ARHGAP15: variants seen among roughly 807,000 people sequenced by gnomAD.
ARHGAP15 encodes the protein Rho GTPase activating protein 15, also known as rho GTPase-activating protein 15.
In ARHGAP15, 51 loss-of-function variants were observed where a neutral mutation model predicts 63.7. The observed-to-expected ratio is 0.80, with a 90% CI of 0.64 to 1.01. The LOEUF is 1.01. Among genes scored for constraint, ARHGAP15 ranks in the 50% least tolerant of loss-of-function variants. The pLI is 0.00. For synonymous variants in ARHGAP15, 191 were observed against 193.8 expected, an observed-to-expected ratio of 0.99 and a Z score of 0.12; for missense variants, 560 against 564.6, an observed-to-expected ratio of 0.99 and a Z score of 0.08.
At chr2:143,348,616 A>G (rs187656034) in intron 6 of ARHGAP15, among the ~76,000 whole-genome samples, 1 of 152,294 alleles carries the variant, frequency 6.6e-6, no homozygotes, top group African/African-American at 2.4e-5. Flanking sequence ...ACGTTGCTAA[A>G]AGTGGTAAAG....
At chr2:143,550,252 T>A (rs1023113200) in intron 10 of ARHGAP15, among the ~76,000 whole-genome samples, 6 of 152,164 alleles carry the variant, frequency 3.9e-5, no homozygotes, top group African/African-American at 1.4e-4. Flanking sequence ...AACATATATT[T>A]TTCAAAGTTA....
intron 13 of ARHGAP15, among the ~76,000 whole-genome samples, chr2:143,705,706 G>T (rs13408590): frequency 6.6e-6 from 1 of 151,948 alleles, no homozygotes; most frequent in Non-Finnish European, 1.5e-5. Flanking sequence ...AGAAATATCC[G>T]TTACTCTGTC....
chr2:143,332,289 G>A (rs1365398458), intron 6 of ARHGAP15, among the ~76,000 whole-genome samples: 1 of 151,832 alleles, frequency 6.6e-6, no homozygotes, highest in African/African-American at 2.4e-5. Flanking sequence ...AAGGCAGCCT[G>A]AAATTTTACA....
chr2:143,191,304 A>T (rs1319104309), intron 2 of ARHGAP15, among the ~76,000 whole-genome samples: 1 of 152,220 alleles, frequency 6.6e-6, no homozygotes, highest in Non-Finnish European at 1.5e-5. Context: ...GAAATTATGG[A>T]AGTCCACCTG....
chr2:143,594,300 C>A (rs137999929), intron 11 of ARHGAP15, among the ~76,000 whole-genome samples: 1 of 152,126 alleles, frequency 6.6e-6, no homozygotes, highest in Non-Finnish European at 1.5e-5. Context: ...TTTATTGGCA[C>A]GTCAGGTGCA....
intron 10 of ARHGAP15, among the ~76,000 whole-genome samples, chr2:143,555,167 C>T (rs912182375): frequency 6.6e-6 from 1 of 152,124 alleles, no homozygotes; most frequent in Admixed American, 6.6e-5. Context: ...TGTTATTCTA[C>T]CCTAACCTTC....
intron 6 of ARHGAP15, among the ~76,000 whole-genome samples, chr2:143,347,384 A>T (rs1289341370): frequency 6.6e-6 from 1 of 152,174 alleles, no homozygotes; most frequent in Non-Finnish European, 1.5e-5. Context: ...GGTGATATAC[A>T]GATTGAAATC....
intron 13 of ARHGAP15, among the ~76,000 whole-genome samples, chr2:143,731,460 A>T (rs533359869): frequency 1.3e-5 from 2 of 152,300 alleles, no homozygotes; most frequent in South Asian, 4.1e-4. Flanking sequence ...CATCAATTCC[A>T]GTCATGCCTC....
Position 143,703,404 on chromosome 2 carries a change from T to A in ARHGAP15, c.1139-15T>A, listed in dbSNP as rs751730230. 1 of 1,592,932 alleles carries A rather than the reference T, an allele frequency of 6.3e-7. No individual in the cohort carries two copies. Among genetic ancestry groups the A allele is most frequent in the Non-Finnish European group, 8.5e-7 (1 of 1,172,220 alleles). ...TTGTTTTTTCCCTAACCTTCCTTTT[T>A]ATTTTTTTTTCCAGAAAAGCAAGAC... On this transcript the variant is annotated splice_polypyrimidine_tract_variant and intron_variant, in intron 12 of 13. Coordinates refer to ENST00000295095, the MANE Select transcript of ARHGAP15 (RefSeq NM_018460.4).
chr2:143,620,082 T>G (rs1414767980), intron 11 of ARHGAP15, among the ~76,000 whole-genome samples: 4 of 152,224 alleles, frequency 2.6e-5, no homozygotes, highest in Non-Finnish European at 1.5e-5. Context: ...TTTATCATTT[T>G]GGCCTTTACT....
intron 2 of ARHGAP15, among the ~76,000 whole-genome samples, chr2:143,169,687 A>G (rs1690692278): frequency 6.6e-6 from 1 of 151,472 alleles, no homozygotes; most frequent in African/African-American, 2.4e-5. Flanking sequence ...AGTCATGGGT[A>G]GATATGGAAA....
intron 5 of ARHGAP15, among the ~76,000 whole-genome samples, chr2:143,245,776 T>C (rs1694026113): frequency 6.6e-6 from 1 of 152,118 alleles, no homozygotes; most frequent in Admixed American, 6.5e-5. Flanking sequence ...TAGAGATAAA[T>C]AAGCCTTGGG....
At chr2:143,459,241 G>T (rs147896237) in intron 8 of ARHGAP15, among the ~76,000 whole-genome samples, 86 of 152,026 alleles carry the variant, frequency 5.7e-4, no homozygotes, top group Middle Eastern at 3.4e-3. Context: ...AAAAAGAGTT[G>T]CAAAGATTTG....
At chr2:143,178,316 G>A (rs1691088412) in intron 2 of ARHGAP15, among the ~76,000 whole-genome samples, 1 of 152,054 alleles carries the variant, frequency 6.6e-6, no homozygotes, top group South Asian at 2.1e-4. Context: ...AAATACAAAA[G>A]TATTCAATTT....
At chr2:143,729,088 G>A (rs1162792904) in intron 13 of ARHGAP15, among the ~76,000 whole-genome samples, 1 of 152,286 alleles carries the variant, frequency 6.6e-6, no homozygotes, top group South Asian at 2.1e-4. Context: ...AAGAAAAAAA[G>A]TGAAAAGGCA....
chr2:143,471,712 G>T (rs553754013), intron 8 of ARHGAP15, among the ~76,000 whole-genome samples: 2 of 152,232 alleles, frequency 1.3e-5, no homozygotes, highest in East Asian at 3.9e-4. Flanking sequence ...AAGGACCTGA[G>T]GCAGGATGTG....
At chr2:143,374,350 C>T (rs1052217181) in intron 6 of ARHGAP15, among the ~76,000 whole-genome samples, 1 of 152,060 alleles carries the variant, frequency 6.6e-6, no homozygotes, top group Admixed American at 6.6e-5. Context: ...TCGCCATTTT[C>T]CCCACCCCAT....
intron 13 of ARHGAP15, among the ~76,000 whole-genome samples, chr2:143,753,450 A>T (rs954576534): frequency 6.6e-6 from 1 of 152,202 alleles, no homozygotes; most frequent in Admixed American, 6.5e-5. Flanking sequence ...TTCATGTAGA[A>T]ATTCTTAGAA....
intron 6 of ARHGAP15, among the ~76,000 whole-genome samples, chr2:143,320,197 T>A (rs1459805262): frequency 6.6e-6 from 1 of 152,186 alleles, no homozygotes; most frequent in Non-Finnish European, 1.5e-5. Flanking sequence ...ATTAGGATTC[T>A]TTAGCTGCAT....
Sources: gnomAD v4.1 joint callset for allele counts (sites outside exome capture counted in the v4.1 genomes callset) on GRCh38, gnomAD v4.1.1 for gene constraint, MANE v1.5 for transcripts, NCBI Gene and HGNC (gene_info 2026-07-23, HGNC 2026-07-21) for gene names.